Variants in KANSL2 observed in about 807,000 individuals in gnomAD.
KANSL2 encodes the protein KAT8 regulatory NSL complex subunit 2.
A neutral mutation model predicts 55.6 loss-of-function variants in KANSL2; 34 were observed. The ratio of observed to expected loss-of-function variants is 0.61; its 90% CI spans 0.46 to 0.81. The LOEUF (loss-of-function observed/expected upper bound fraction) is 0.81, where lower values mean the gene tolerates loss of function less well. KANSL2 is among the 40% of genes least tolerant of loss of function. KANSL2 has a pLI of 0.00. For missense variants in KANSL2, 502 were observed against 609.9 expected (o/e 0.82, Z 1.86); for synonymous variants, 209 against 214.3 (o/e 0.98, Z 0.22).
At chr12:48,666,371 T>C (rs1459064346) in intron 7 of KANSL2, among the ~76,000 whole-genome samples, 2 of 149,676 alleles carry the variant, frequency 1.3e-5, no homozygotes, top group African/African-American at 2.5e-5. Context: ...GGGCAACATA[T>C]TGAAAATTGA....
At chr12:48,680,271 G>C (rs1390793693) in intron 2 of KANSL2, among the ~76,000 whole-genome samples, 2 of 152,112 alleles carry the variant, frequency 1.3e-5, no homozygotes, top group Admixed American at 6.5e-5. Context: ...TGCCAAGTCT[G>C]GTCTGGAACT....
intron 4 of KANSL2, among the ~76,000 whole-genome samples, chr12:48,672,933 A>G (rs1388807243): frequency 1.3e-5 from 2 of 151,558 alleles, no homozygotes; most frequent in Non-Finnish European, 2.9e-5. Flanking sequence ...TAATTTTTAT[A>G]TTTTCAGTAG....
chr12:48,681,777 C>T, intron 1 of KANSL2, 136 bp from the exon 2 acceptor site: 1 of 1,047,272 alleles, frequency 9.5e-7, no homozygotes, highest in Non-Finnish European at 1.4e-6. Context: ...CCCCGCCGCC[C>T]TCCCCAAGTC....
Position 48,681,385 on chromosome 12 carries a change from T to G in KANSL2, c.248A>C (p.Asp83Ala). ...ATATATATCTATACATATATACCCA[T>G]CTTTCTTCTCTGGCTTTGGGGCAGC... ...PNAAPKPEKKDGVSFCAEHVR... is the reference protein window; with the variant it reads ...PNAAPKPEKKAGVSFCAEHVR... The change falls in exon 2 of 10, where the codon GAT becomes GCT. Residue 83 changes from aspartate to alanine, a missense_variant. Asp to Ala is a moderately radical substitution (Grantham distance 126). Transcript: ENST00000420613. 6.2e-7 allele frequency: 1 copy of G among 1,612,130 alleles called. No homozygotes were observed. The highest frequency in any genetic ancestry group is 2.2e-5 in the East Asian group (1 of 44,876).
At chr12:48,663,029 T>C (rs1020182948) in intron 7 of KANSL2, among the ~76,000 whole-genome samples, 5 of 152,218 alleles carry the variant, frequency 3.3e-5, no homozygotes, top group Admixed American at 6.5e-5. Context: ...TCCTGGAATG[T>C]CACTATCATT....
At chr12:48,674,435 C>A (rs1299146866) in intron 4 of KANSL2, among the ~76,000 whole-genome samples, 2 of 152,200 alleles carry the variant, frequency 1.3e-5, no homozygotes, top group Non-Finnish European at 2.9e-5. Context: ...CAGGCGTGAG[C>A]CACTGTGGCC....
rs1375589351 is a variant in KANSL2, at chr12:48,662,413, T to C, written c.974-1794A>G. The C allele has an allele frequency of 3.2e-6, 3 of 923,384 alleles. No homozygotes were observed. The African/African-American group carries it at 5.4e-5, about 17-fold the overall frequency. 57.2% of individuals were successfully genotyped at this position (923,384 alleles called of 1,614,324 possible). A position where few individuals can be genotyped will look rare whatever the true frequency, so the allele number is the denominator to read the frequency against. ...AGCCACCACGCCTGGCCAAGAACTT[T>C]TTTTTATTGGAATTCAAAGGACTTT... On this transcript the variant is annotated intron_variant, in intron 7 of 9. Coordinates refer to ENST00000420613, the MANE Select transcript of KANSL2 (RefSeq NM_017822.4).
At chr12:48,675,806 A>G (rs992454752) in intron 4 of KANSL2, among the ~76,000 whole-genome samples, 2 of 152,166 alleles carry the variant, frequency 1.3e-5, no homozygotes, top group African/African-American at 4.8e-5. Context: ...ATTATGTACT[A>G]ATTCCCCTTG....
intron 3 of KANSL2, 138 bp downstream of exon 3, chr12:48,679,517 C>T: frequency 2.8e-6 from 2 of 712,106 alleles, no homozygotes; most frequent in Non-Finnish European, 4.6e-6. Context: ...TGGTAAACAA[C>T]AAAGCAATCC....
At position 48,661,283 on chromosome 12, in the gene KANSL2, A is replaced by G. The variant is rs183214525; in HGVS notation, c.974-664T>C. The G allele has an allele frequency of 3.9e-4, 130 of 336,752 alleles. 1 individual carries two copies. The East Asian group carries it at 0.011, about 30-fold the overall frequency. The allele number at this position is 336,752 out of a possible 1,614,324, so 20.9% of individuals were successfully genotyped here. On this transcript the variant is annotated intron_variant, in intron 7 of 9. Coordinates refer to ENST00000420613, the MANE Select transcript of KANSL2 (RefSeq NM_017822.4). ...AAATTTTGTGTATGAAGGCCCATTG[A>G]AAAAAAAAAGTATTCTAGAAACATT...
chr12:48,672,066 T>TGA, intron 4 of KANSL2, 104 bp from the exon 5 acceptor site: 1 of 943,198 alleles, frequency 1.1e-6, no homozygotes, highest in Non-Finnish European at 1.5e-6. Context: ...TAACAAGTGG[T>TGA]GACATAATCA....
chr12:48,671,301 A>C (rs1411425039), intron 5 of KANSL2, among the ~76,000 whole-genome samples: 2 of 151,846 alleles, frequency 1.3e-5, no homozygotes, highest in Non-Finnish European at 2.9e-5. Context: ...GAAAGTAAAA[A>C]AGTTACAGTA....
intron 4 of KANSL2, among the ~76,000 whole-genome samples, chr12:48,677,777 TC>T (rs1011186340): frequency 4.6e-5 from 4 of 86,756 alleles, no homozygotes; most frequent in African/African-American, 1.9e-4. Context: ...AGTGCAAGAC[TC>T]CATCTCAAAA....
chr12:48,679,948 T>C, intron 2 of KANSL2, 115 bp from the exon 3 acceptor site: 1 of 925,266 alleles, frequency 1.1e-6, no homozygotes, highest in Non-Finnish European at 1.6e-6. Context: ...ATTACATTCA[T>C]TTCTAAAAAT....
intron 4 of KANSL2, among the ~76,000 whole-genome samples, chr12:48,676,347 CCTCCCACCT>C (rs1939820869): frequency 6.6e-6 from 1 of 152,096 alleles, no homozygotes; most frequent in Non-Finnish European, 1.5e-5. Flanking sequence ...CTCAAGCAAT[CCTCCCACCT>C]CGACCTCCCA....
chr12:48,680,547 T>C (rs1027179822), intron 2 of KANSL2, among the ~76,000 whole-genome samples: 4 of 152,156 alleles, frequency 2.6e-5, no homozygotes, highest in Non-Finnish European at 2.9e-5. Context: ...TCAGGTTATG[T>C]TTTTGCATGG....
At chr12:48,662,828 T>A (rs1469537336) in intron 7 of KANSL2, among the ~76,000 whole-genome samples, 1 of 152,180 alleles carries the variant, frequency 6.6e-6, no homozygotes, top group African/African-American at 2.4e-5. Flanking sequence ...TCTAAAATAG[T>A]CCTTAGTATC....
At chr12:48,658,167 A>G (rs1939425032) in intron 8 of KANSL2, among the ~76,000 whole-genome samples, 1 of 152,052 alleles carries the variant, frequency 6.6e-6, no homozygotes, top group African/African-American at 2.4e-5. Context: ...GGAGGCAGAC[A>G]GTGCAGTGAG....
chr12:48,661,223 C>T, intron 7 of KANSL2: 2 of 969,338 alleles, frequency 2.1e-6, no homozygotes, highest in Non-Finnish European at 2.4e-6. Flanking sequence ...TGTGCTAGTA[C>T]AGAGGAATCC....
Sources: gnomAD v4.1 joint callset for allele counts (sites outside exome capture counted in the v4.1 genomes callset) on GRCh38, gnomAD v4.1.1 for gene constraint, MANE v1.5 for transcripts, NCBI Gene and HGNC (gene_info 2026-07-23, HGNC 2026-07-21) for gene names.